BTBD9: variants seen among roughly 807,000 people sequenced by gnomAD.
BTBD9 encodes the protein BTB domain containing 9, also known as BTB/POZ domain-containing protein 9.
Under a neutral mutation model 64.3 loss-of-function variants are expected in BTBD9, and 49 were observed. The observed-to-expected ratio is 0.76, with a 90% CI of 0.61 to 0.97. The LOEUF is 0.97. Ranked by LOEUF, BTBD9 falls within the 50% of genes least tolerant of loss-of-function variation. The probability of loss-of-function intolerance (pLI) is 0.00; values close to 1 mark genes in which losing one functional copy is unlikely to be tolerated. For missense variants in BTBD9, 598 were observed against 762.1 expected, an observed-to-expected ratio of 0.78 and a Z score of 2.53; for synonymous variants, 260 against 274.7, an observed-to-expected ratio of 0.95 and a Z score of 0.53.
At chr6:38,429,567 A>T (rs1294948868) in intron 6 of BTBD9, among the ~76,000 whole-genome samples, 1 of 151,958 alleles carries the variant, frequency 6.6e-6, no homozygotes, top group Non-Finnish European at 1.5e-5. Flanking sequence ...TCTTATTTGC[A>T]AAACGTCATA....
intron 9 of BTBD9, among the ~76,000 whole-genome samples, chr6:38,193,106 G>T (rs751636604): frequency 2.0e-5 from 3 of 152,150 alleles, no homozygotes; most frequent in Non-Finnish European, 2.9e-5. Flanking sequence ...GGTGGCAGGA[G>T]TTCATAAATA....
At chr6:38,334,644 TAAAATAAAATAAAAC>T (rs139052199) in intron 7 of BTBD9, among the ~76,000 whole-genome samples, 6,772 of 137,382 alleles carry the variant, frequency 0.049, 528 homozygotes, top group African/African-American at 0.17. Flanking sequence ...AATAAAATAA[TAAAATAAAATAAAAC>T]AAAACAAAAC....
intron 6 of BTBD9, among the ~76,000 whole-genome samples, chr6:38,525,463 T>C (rs915627732): frequency 1.3e-5 from 2 of 152,172 alleles, no homozygotes; most frequent in South Asian, 2.1e-4. Context: ...AGTGGTGTAC[T>C]GCTATAAAGA....
intron 9 of BTBD9, among the ~76,000 whole-genome samples, chr6:38,245,903 G>A (rs558748623): frequency 6.6e-6 from 1 of 152,134 alleles, no homozygotes; most frequent in Non-Finnish European, 1.5e-5. Flanking sequence ...ATTGAGGTAT[G>A]CTTCATTTTT....
intron 6 of BTBD9, among the ~76,000 whole-genome samples, chr6:38,534,525 A>G (rs1033162781): frequency 2.6e-5 from 4 of 151,898 alleles, no homozygotes; most frequent in Non-Finnish European, 4.4e-5. Context: ...AACTCATTCT[A>G]TAAGGCCAGT....
At chr6:38,325,174 T>C (rs964922974) in intron 7 of BTBD9, among the ~76,000 whole-genome samples, 2 of 152,034 alleles carry the variant, frequency 1.3e-5, no homozygotes, top group Non-Finnish European at 2.9e-5. Context: ...TTCTGAAAAT[T>C]AAAACACATA....
chr6:38,418,503 T>C (rs1156528969), intron 6 of BTBD9, among the ~76,000 whole-genome samples: 1 of 152,228 alleles, frequency 6.6e-6, no homozygotes, highest in African/African-American at 2.4e-5. Context: ...CTGGTTGCTA[T>C]AGGAGAACCT....
chr6:38,532,693 C>T (rs1187301493), intron 6 of BTBD9, among the ~76,000 whole-genome samples: 2 of 152,006 alleles, frequency 1.3e-5, no homozygotes, highest in Non-Finnish European at 2.9e-5. Flanking sequence ...AGGAAGGCAA[C>T]CTGCTGCCTT....
At position 38,171,515 on chromosome 6, in the gene BTBD9, G is replaced by T. The variant is rs933217598; in HGVS notation, c.*3470C>A. Reference sequence around the variant, plus strand: ...GCTTGTGCTTCTAACTAAAATCAAAGGAATGAAAGCAGAAAAAGCACTGAG... The same window carrying T: ...GCTTGTGCTTCTAACTAAAATCAAATGAATGAAAGCAGAAAAAGCACTGAG... On this transcript the variant is annotated 3_prime_UTR_variant, in exon 11 of 11. Transcript: ENST00000481247. The T allele has an allele frequency of 6.8e-6, 1 of 146,360 alleles. No individual in the cohort carries two copies. The highest frequency in any genetic ancestry group is 2.1e-4 in the East Asian group (1 of 4,834). The allele number at this position is 146,360 out of a possible 1,614,324, so 9.1% of individuals were successfully genotyped here.
intron 9 of BTBD9, among the ~76,000 whole-genome samples, chr6:38,253,144 A>AAC (rs1415620641): frequency 1.3e-4 from 19 of 147,344 alleles, no homozygotes; most frequent in Non-Finnish European, 2.9e-4. Flanking sequence ...ACAACAACAA[A>AAC]ACACCCACAT....
At chr6:38,303,000 T>C (rs2127565119) in intron 7 of BTBD9, among the ~76,000 whole-genome samples, 1 of 152,294 alleles carries the variant, frequency 6.6e-6, no homozygotes, top group South Asian at 2.1e-4. Context: ...ATTTATTTAT[T>C]TTGCCGTTGA....
intron 6 of BTBD9, among the ~76,000 whole-genome samples, chr6:38,520,545 A>G (rs1411707423): frequency 1.3e-5 from 2 of 152,234 alleles, no homozygotes; most frequent in Non-Finnish European, 2.9e-5. Flanking sequence ...GTTAAAATTT[A>G]TACTTTACTT....
intron 6 of BTBD9, among the ~76,000 whole-genome samples, chr6:38,526,095 C>G (rs187446467): frequency 6.6e-6 from 1 of 152,376 alleles, no homozygotes; most frequent in East Asian, 1.9e-4. Flanking sequence ...CCTCCCATCA[C>G]AGACCTGGAT....
chr6:38,307,797 C>G (rs992813400), intron 7 of BTBD9, among the ~76,000 whole-genome samples: 2 of 152,184 alleles, frequency 1.3e-5, no homozygotes, highest in African/African-American at 4.8e-5. Flanking sequence ...GTTAAAACTT[C>G]CCTAAACTTC....
At chr6:38,394,995 G>A (rs531881086) in intron 6 of BTBD9, among the ~76,000 whole-genome samples, 1 of 152,106 alleles carries the variant, frequency 6.6e-6, no homozygotes, top group East Asian at 1.9e-4. Context: ...AGACTGTGAT[G>A]ATCTGAATAT....
At chr6:38,228,788 C>T (rs1044151042) in intron 9 of BTBD9, among the ~76,000 whole-genome samples, 10 of 151,890 alleles carry the variant, frequency 6.6e-5, no homozygotes, top group African/African-American at 1.5e-4. Flanking sequence ...GCAGGAGAAT[C>T]GCTTGAACCC....
chr6:38,359,665 C>T (rs1202991208), intron 6 of BTBD9, among the ~76,000 whole-genome samples: 1 of 152,260 alleles, frequency 6.6e-6, no homozygotes, highest in African/African-American at 2.4e-5. Context: ...TCTGGCCCGT[C>T]ATTAGGCCAT....
At chr6:38,439,109 AC>A (rs1408017678) in intron 6 of BTBD9, among the ~76,000 whole-genome samples, 47 of 114,308 alleles carry the variant, frequency 4.1e-4, no homozygotes, top group African/African-American at 1.7e-3. Flanking sequence ...GTAGCAACTG[AC>A]TTTTTTTTTT....
At position 38,233,340 on chromosome 6, in the gene BTBD9, T is replaced by C. The variant is rs548529512; in HGVS notation, c.1562+23069A>G. ...GTGCCAAGTTGTGGTGATTCAAAGA[T>C]GAATAAGACATGGTCCCTGACCCTT... On this transcript the variant is annotated intron_variant, in intron 9 of 10. Transcript: ENST00000481247. 7.2e-5 allele frequency among the ~76,000 whole-genome samples: 11 copies of C among 152,352 alleles called. No individual in the cohort carries two copies. In the South Asian group the frequency reaches 2.3e-3, roughly 32 times the overall value.
Sources: gnomAD v4.1 joint callset for allele counts (sites outside exome capture counted in the v4.1 genomes callset) on GRCh38, gnomAD v4.1.1 for gene constraint, MANE v1.5 for transcripts, NCBI Gene and HGNC (gene_info 2026-07-23, HGNC 2026-07-21) for gene names.